Variants in ATP8A2 observed in about 807,000 individuals in gnomAD.
ATP8A2 encodes phospholipid-transporting ATPase IB.
In ATP8A2, 100 loss-of-function variants were observed where a neutral mutation model predicts 165.6. The observed-to-expected ratio is 0.60, with a 90% confidence interval of 0.51 to 0.71. ATP8A2 has a LOEUF of 0.71. ATP8A2 is among the 30% of genes least tolerant of loss of function. ATP8A2 has a pLI of 0.00. For missense variants in ATP8A2, 1,227 were observed against 1,479.5 expected, an observed-to-expected ratio of 0.83 and a Z score of 2.80; for synonymous variants, 543 against 548.8, an observed-to-expected ratio of 0.99 and a Z score of 0.15.
chr13:25,868,437 A>T (rs1418331122), intron 33 of ATP8A2, among the ~76,000 whole-genome samples: 1 of 152,236 alleles, frequency 6.6e-6, no homozygotes, highest in Admixed American at 6.5e-5. Context: ...AAGTCCTATC[A>T]GCAGAGATTC....
intron 1 of ATP8A2, among the ~76,000 whole-genome samples, chr13:25,431,742 A>G (rs2034620696): frequency 6.6e-6 from 1 of 152,136 alleles, no homozygotes; most frequent in Non-Finnish European, 1.5e-5. Flanking sequence ...AAATTATAGG[A>G]ATTAATTTTT....
intron 2 of ATP8A2, 132 bp from the exon 3 acceptor site, chr13:25,529,857 GATACACAGCA>G: frequency 1.8e-6 from 1 of 550,442 alleles, no homozygotes; most frequent in Non-Finnish European, 3.2e-6. Context: ...TTTAGGAGAA[GATACACAGCA>G]ATTTCCTTGT....
rs1957063374 is a variant in ATP8A2, at chr13:26,020,271, AAAC to A, written c.*288_*290del. 2.4e-6 allele frequency: 1 copy of A among 411,150 alleles called. No homozygotes were observed. Among genetic ancestry groups the A allele is most frequent in the African/African-American group, 2.0e-5 (1 of 49,380 alleles). The allele number at this position is 411,150 out of a possible 1,614,324, so 25.5% of individuals were successfully genotyped here. ...TGTGCTCTGTGAGGTGTGAAATTAA[AAAC>A]ATTATGTTTCACCAATATTTAAACA... is the stretch of plus-strand genomic sequence containing the variant. On this transcript the variant is annotated 3_prime_UTR_variant, in exon 37 of 37. Transcript: ENST00000381655.
At chr13:25,798,379 A>G (rs988009284) in intron 27 of ATP8A2, among the ~76,000 whole-genome samples, 11 of 152,278 alleles carry the variant, frequency 7.2e-5, no homozygotes, top group African/African-American at 2.6e-4. Flanking sequence ...TGTTTAGGGG[A>G]GGGCACAGGA....
chr13:25,946,079 G>A (rs961177215), intron 33 of ATP8A2, among the ~76,000 whole-genome samples: 1 of 152,122 alleles, frequency 6.6e-6, no homozygotes, highest in African/African-American at 2.4e-5. Flanking sequence ...TTTTACAGAG[G>A]AGGAAAATGA....
rs549783243 is a variant in ATP8A2 at position 25,624,672 on chromosome 13, A to G, written c.2211+34973A>G. Among the ~76,000 whole-genome samples the G allele has an allele frequency of 2.6e-5, 4 of 152,246 alleles. No homozygotes were observed. The East Asian group carries it at 7.7e-4, about 29-fold the overall frequency. ...TATGTATGTAATTATGTGTTAATCA[A>G]GTTAGTGATTTGCTATTAATTGGGT... is the stretch of plus-strand genomic sequence containing the variant. On this transcript the variant is annotated intron_variant, in intron 24 of 36. Coordinates refer to ENST00000381655, the MANE Select transcript of ATP8A2 (RefSeq NM_016529.6).
chr13:25,606,897 G>T (rs1475910708), intron 24 of ATP8A2, among the ~76,000 whole-genome samples: 1 of 152,160 alleles, frequency 6.6e-6, no homozygotes, highest in Non-Finnish European at 1.5e-5. Flanking sequence ...GTACAAGGCA[G>T]CAGAGTGTAG....
At chr13:25,590,731 GTTAA>G (rs2040049231) in intron 24 of ATP8A2, among the ~76,000 whole-genome samples, 2 of 152,138 alleles carry the variant, frequency 1.3e-5, no homozygotes, top group Admixed American at 1.3e-4. Flanking sequence ...AGATGGCACG[GTTAA>G]TTACTCTTTT....
intron 26 of ATP8A2, among the ~76,000 whole-genome samples, chr13:25,771,585 A>T (rs564896972): frequency 7.9e-4 from 120 of 152,302 alleles, no homozygotes; most frequent in Non-Finnish European, 4.4e-5. Flanking sequence ...TCTTCAAATT[A>T]AAAGTGTCAA....
At chr13:25,868,015 T>C in intron 33 of ATP8A2, 2 of 406,638 alleles carry the variant, frequency 4.9e-6, no homozygotes, top group Non-Finnish European at 9.9e-6. Flanking sequence ...TCGAAGCCCA[T>C]CCCAGGTGGG....
intron 33 of ATP8A2, among the ~76,000 whole-genome samples, chr13:25,911,152 C>G (rs1007944418): frequency 1.3e-5 from 2 of 152,082 alleles, no homozygotes; most frequent in Admixed American, 6.6e-5. Context: ...CTTTTCAAGC[C>G]CCTGCTGACA....
At chr13:25,736,781 C>A (rs1018636139) in intron 25 of ATP8A2, among the ~76,000 whole-genome samples, 7 of 152,258 alleles carry the variant, frequency 4.6e-5, no homozygotes, top group Non-Finnish European at 8.8e-5. Context: ...AGATGATTAT[C>A]AACAGGCAGG....
intron 2 of ATP8A2, among the ~76,000 whole-genome samples, chr13:25,505,642 A>G (rs1406609025): frequency 1.3e-5 from 2 of 152,168 alleles, no homozygotes; most frequent in African/African-American, 4.8e-5. Context: ...AGACGTACAC[A>G]TCCCTGTTTC....
Position 26,024,055 on chromosome 13 carries a change from T to C in ATP8A2, c.*4070T>C, listed in dbSNP as rs923813077. 3 of 152,128 alleles carry C rather than the reference T, an allele frequency of 2.0e-5. No homozygotes were observed. The highest frequency in any genetic ancestry group is 7.2e-5 in the African/African-American group (3 of 41,434). 9.4% of individuals were successfully genotyped at this position (152,128 alleles called of 1,614,324 possible). ...CACAATGGGAACAGTTAAAACCCCCTCCCTTCAAAAAAAGAAAATCTATAT... is the reference window on the plus strand; with the variant it reads ...CACAATGGGAACAGTTAAAACCCCCCCCCTTCAAAAAAAGAAAATCTATAT... On this transcript the variant is annotated 3_prime_UTR_variant, in exon 37 of 37. Coordinates refer to ENST00000381655, the MANE Select transcript of ATP8A2 (RefSeq NM_016529.6).
intron 33 of ATP8A2, chr13:25,873,714 C>A (rs1952743828): frequency 6.6e-6 from 1 of 151,692 alleles, no homozygotes; most frequent in Non-Finnish European, 1.5e-5. Context: ...TCTCAGCTCA[C>A]TGCAAGCTCC....
At chr13:25,916,955 A>G (rs1210918341) in intron 33 of ATP8A2, among the ~76,000 whole-genome samples, 1 of 152,190 alleles carries the variant, frequency 6.6e-6, no homozygotes. Context: ...GATAATATCC[A>G]GGGTCCATAT....
chr13:25,679,118 G>T (rs55927124), intron 24 of ATP8A2, among the ~76,000 whole-genome samples: 11,003 of 152,196 alleles, frequency 0.072, 1,079 homozygotes, highest in East Asian at 0.24. Flanking sequence ...TAGGATGAAG[G>T]AGAATGAAGG....
At chr13:25,879,809 G>A (rs970306376) in intron 33 of ATP8A2, among the ~76,000 whole-genome samples, 2 of 152,164 alleles carry the variant, frequency 1.3e-5, no homozygotes, top group African/African-American at 4.8e-5. Context: ...TTTTTCATTT[G>A]GCTTCCATAG....
chr13:25,973,265 G>T (rs1307816241), intron 35 of ATP8A2, among the ~76,000 whole-genome samples: 2 of 152,206 alleles, frequency 1.3e-5, no homozygotes, highest in African/African-American at 2.4e-5. Context: ...TCTCCCTTCG[G>T]TTTTGTGTTC....
Sources: allele counts gnomAD v4.1 joint callset (sites outside exome capture counted in the v4.1 genomes callset), GRCh38; gene constraint gnomAD v4.1.1; transcripts MANE v1.5; gene names NCBI Gene and HGNC (gene_info 2026-07-23, HGNC 2026-07-21).